GRID2: variants seen among roughly 807,000 people sequenced by gnomAD.
GRID2 encodes the protein glutamate ionotropic receptor delta type subunit 2.
GRID2 carries 33 observed loss-of-function variants against 114.8 expected under a neutral mutation model. That is an observed-to-expected ratio of 0.29 (90% CI 0.22 to 0.38). The LOEUF (loss-of-function observed/expected upper bound fraction) is 0.38, where lower values mean the gene tolerates loss of function less well. Among genes scored for constraint, GRID2 ranks in the 10% least tolerant of loss-of-function variants. The pLI is 1.00. For synonymous variants in GRID2, 505 were observed against 449.9 expected (o/e 1.12, Z -1.55); for missense variants, 1,184 against 1,257.7 (o/e 0.94, Z 0.89).
chr4:93,414,916 A>G (rs1480211795), intron 9 of GRID2, among the ~76,000 whole-genome samples: 4 of 151,828 alleles, frequency 2.6e-5, no homozygotes, highest in Admixed American at 1.3e-4. Flanking sequence ...ATCCTGAAAC[A>G]TTTTCAAGTT....
At position 93,773,999 on chromosome 4, in the gene GRID2, T is replaced by C. The variant is rs979422631; in HGVS notation, c.*1501T>C. 2 of 152,106 alleles carry C rather than the reference T, an allele frequency of 1.3e-5. No homozygotes were observed. Among genetic ancestry groups the C allele is most frequent in the Admixed American group, 6.5e-5 (1 of 15,270 alleles). The allele number at this position is 152,106 out of a possible 1,614,324, so 9.4% of individuals were successfully genotyped here. A position where few individuals can be genotyped will look rare whatever the true frequency, so the allele number is the denominator to read the frequency against. On this transcript the variant is annotated 3_prime_UTR_variant, in exon 16 of 16. Coordinates refer to ENST00000282020, the MANE Select transcript of GRID2 (RefSeq NM_001510.4). ...GTGGTAAGTAGGAAGCAAGAACTTA[T>C]TCTGTGTTTTTACGCAGCCATACAC...
At chr4:92,329,166 A>G (rs1439426164) in intron 1 of GRID2, among the ~76,000 whole-genome samples, 2 of 152,048 alleles carry the variant, frequency 1.3e-5, no homozygotes, top group Non-Finnish European at 2.9e-5. Context: ...TCCAAGAATA[A>G]TAATTCCAAA....
At chr4:93,458,161 T>C (rs966572266) in intron 11 of GRID2, among the ~76,000 whole-genome samples, 2 of 152,168 alleles carry the variant, frequency 1.3e-5, no homozygotes, top group African/African-American at 4.8e-5. Context: ...TGACTATAAA[T>C]GCACAAGTGA....
intron 1 of GRID2, among the ~76,000 whole-genome samples, chr4:92,526,601 C>T (rs1197572589): frequency 6.6e-6 from 1 of 152,076 alleles, no homozygotes; most frequent in Non-Finnish European, 1.5e-5. Flanking sequence ...ACCTCAGCTT[C>T]CCAAAGTGCT....
chr4:93,304,011 T>C (rs1755150115), intron 8 of GRID2, among the ~76,000 whole-genome samples: 1 of 151,840 alleles, frequency 6.6e-6, no homozygotes, highest in Non-Finnish European at 1.5e-5. Flanking sequence ...GCATTCTCAT[T>C]CACCAACCTC....
At chr4:93,206,591 TACACACACACACACAC>T (rs5860312) in intron 4 of GRID2, among the ~76,000 whole-genome samples, 4 of 142,958 alleles carry the variant, frequency 2.8e-5, no homozygotes, top group Non-Finnish European at 4.6e-5. Context: ...CTGCCCCTAC[TACACACACACACACAC>T]ACACACACAC....
chr4:93,278,001 G>C (rs568014815), intron 8 of GRID2, among the ~76,000 whole-genome samples: 4 of 151,962 alleles, frequency 2.6e-5, no homozygotes, highest in Non-Finnish European at 4.4e-5. Flanking sequence ...CAAGGGATTT[G>C]AGGTATGAAC....
chr4:93,147,345 T>C (rs1736360873), intron 4 of GRID2, among the ~76,000 whole-genome samples: 1 of 152,204 alleles, frequency 6.6e-6, no homozygotes, highest in Admixed American at 6.5e-5. Flanking sequence ...TACTAATGGA[T>C]GATCAAATAT....
intron 1 of GRID2, among the ~76,000 whole-genome samples, chr4:92,587,109 T>G (rs888924776): frequency 3.4e-5 from 5 of 145,300 alleles, no homozygotes; most frequent in African/African-American, 5.2e-5. Context: ...TGTGTGTGTG[T>G]GTGTGTGTGT....
intron 11 of GRID2, among the ~76,000 whole-genome samples, chr4:93,486,216 C>T (rs1726389641): frequency 6.6e-6 from 1 of 151,578 alleles, no homozygotes; most frequent in African/African-American, 2.4e-5. Context: ...ACATAGCAAG[C>T]TGATAACTAA....
At chr4:92,962,359 T>G (rs1028099632) in intron 2 of GRID2, among the ~76,000 whole-genome samples, 3 of 151,852 alleles carry the variant, frequency 2.0e-5, no homozygotes, top group African/African-American at 7.2e-5. Context: ...ACTCGGTCTT[T>G]TAGTGAGCCT....
intron 14 of GRID2, among the ~76,000 whole-genome samples, chr4:93,708,448 G>T (rs1011728609): frequency 1.3e-5 from 2 of 151,902 alleles, no homozygotes; most frequent in African/African-American, 4.8e-5. Flanking sequence ...CTTAGGGTTT[G>T]TCTTGAAATT....
chr4:92,724,979 A>C lies in GRID2; in HGVS notation c.244+134693A>C, dbSNP rs557991617. Among the ~76,000 whole-genome samples the C allele has an allele frequency of 1.5e-4, 23 of 152,242 alleles. No individual in the cohort carries two copies. In the South Asian group the frequency reaches 4.8e-3, roughly 32 times the overall value. On this transcript the variant is annotated intron_variant, in intron 2 of 15. Transcript: ENST00000282020. ...GATTGACAGTAGCCAAGAGTGAACC[A>C]CAACTATTACCACCGTTTATTAAGA... is the stretch of plus-strand genomic sequence containing the variant.
At chr4:92,718,418 T>G (rs1317883824) in intron 2 of GRID2, among the ~76,000 whole-genome samples, 1 of 152,050 alleles carries the variant, frequency 6.6e-6, no homozygotes, top group Non-Finnish European at 1.5e-5. Flanking sequence ...GATACAAAAT[T>G]TTAAATATAG....
chr4:93,274,386 C>T (rs1024186671), intron 8 of GRID2, among the ~76,000 whole-genome samples: 11 of 151,896 alleles, frequency 7.2e-5, no homozygotes, highest in Non-Finnish European at 5.9e-5. Flanking sequence ...CTGAAAGCTA[C>T]GAGACTGGAT....
intron 1 of GRID2, among the ~76,000 whole-genome samples, chr4:92,544,420 C>T (rs1470908272): frequency 6.6e-6 from 1 of 152,090 alleles, no homozygotes; most frequent in Non-Finnish European, 1.5e-5. Context: ...GAGGTGTAAG[C>T]ACCTGGTGAC....
At chr4:92,376,234 C>T (rs952973790) in intron 1 of GRID2, among the ~76,000 whole-genome samples, 39 of 151,916 alleles carry the variant, frequency 2.6e-4, no homozygotes, top group Non-Finnish European at 3.7e-4. Flanking sequence ...GGCATGAACC[C>T]GGGAGGCAGA....
intron 13 of GRID2, among the ~76,000 whole-genome samples, chr4:93,519,540 CA>C (rs1730128669): frequency 6.6e-6 from 1 of 151,944 alleles, no homozygotes; most frequent in African/African-American, 2.4e-5. Flanking sequence ...GACCAGAAAT[CA>C]AGGATCATGT....
intron 9 of GRID2, among the ~76,000 whole-genome samples, chr4:93,404,738 T>C (rs1766243614): frequency 6.6e-6 from 1 of 152,060 alleles, no homozygotes; most frequent in African/African-American, 2.4e-5. Context: ...TAAAGGATGA[T>C]ATTTAAATTC....
Sources: gnomAD v4.1 joint callset for allele counts (sites outside exome capture counted in the v4.1 genomes callset) on GRCh38, gnomAD v4.1.1 for gene constraint, MANE v1.5 for transcripts, NCBI Gene and HGNC (gene_info 2026-07-23, HGNC 2026-07-21) for gene names.